GRIK3: variants seen among roughly 807,000 people sequenced by gnomAD.
GRIK3 encodes the protein glutamate ionotropic receptor kainate type subunit 3.
A neutral mutation model predicts 102.5 loss-of-function variants in GRIK3; 29 were observed. That is an observed-to-expected ratio of 0.28 (90% CI 0.21 to 0.39). GRIK3 has a LOEUF of 0.39. GRIK3 is among the 10% of genes least tolerant of loss of function. The pLI is 1.00. For missense variants in GRIK3, 908 were observed against 1,252.4 expected, an observed-to-expected ratio of 0.73 and a Z score of 4.15; for synonymous variants, 511 against 504.9, an observed-to-expected ratio of 1.01 and a Z score of -0.16.
chr1:36,956,617 A>T (rs975567024), intron 1 of GRIK3, among the ~76,000 whole-genome samples: 1 of 38,342 alleles, frequency 2.6e-5, no homozygotes, highest in African/African-American at 2.3e-4. Context: ...CAAAGAACTG[A>T]GAGAGGCGGA....
At chr1:37,018,274 T>A (rs1642674461) in intron 1 of GRIK3, among the ~76,000 whole-genome samples, 1 of 152,180 alleles carries the variant, frequency 6.6e-6, no homozygotes, top group South Asian at 2.1e-4. Flanking sequence ...TGGCCCATAA[T>A]AGGAAGCCCA....
At chr1:36,997,083 G>A (rs947103687) in intron 1 of GRIK3, among the ~76,000 whole-genome samples, 3 of 152,156 alleles carry the variant, frequency 2.0e-5, no homozygotes, top group Non-Finnish European at 4.4e-5. Context: ...TTCCATGTAG[G>A]GAATTGGGAC....
chr1:36,812,682 C>T (rs560597904), intron 13 of GRIK3, among the ~76,000 whole-genome samples: 17 of 152,162 alleles, frequency 1.1e-4, no homozygotes, highest in Middle Eastern at 6.8e-3. Flanking sequence ...ATCGAGAGCC[C>T]CCCGAGAGCC....
chr1:36,967,148 T>C (rs1342746871), intron 1 of GRIK3, among the ~76,000 whole-genome samples: 1 of 152,234 alleles, frequency 6.6e-6, no homozygotes, highest in Non-Finnish European at 1.5e-5. Flanking sequence ...CCTTCCCTTT[T>C]AACCACTAGA....
chr1:36,945,970 G>C (rs1404452284), intron 1 of GRIK3, among the ~76,000 whole-genome samples: 1 of 152,112 alleles, frequency 6.6e-6, no homozygotes, highest in Non-Finnish European at 1.5e-5. Flanking sequence ...CAAACTCCTG[G>C]CCCCCTCGGA....
chr1:36,817,284 G>A lies in GRIK3; in HGVS notation c.1874-7C>T, dbSNP rs765344716. On this transcript the variant is annotated splice_region_variant and splice_polypyrimidine_tract_variant and intron_variant, in intron 12 of 15. Coordinates refer to ENST00000373091, the MANE Select transcript of GRIK3 (RefSeq NM_000831.4). ...TTGGGCATCAGCTCAGACCCTGGGC[G>A]AAGAGAGGAGATAGTCAGTCCCTTA... The A allele has an allele frequency of 3.1e-5, 49 of 1,579,606 alleles. 1 individual carries two copies. The highest frequency in any genetic ancestry group is 4.0e-5 in the African/African-American group (3 of 74,212).
intron 1 of GRIK3, among the ~76,000 whole-genome samples, chr1:36,935,624 C>T (rs1641648115): frequency 6.6e-6 from 1 of 152,112 alleles, no homozygotes; most frequent in South Asian, 2.1e-4. Flanking sequence ...TGGAAACTTC[C>T]CTCCTGAATG....
At chr1:36,960,825 C>T (rs775346762) in intron 1 of GRIK3, among the ~76,000 whole-genome samples, 16 of 152,210 alleles carry the variant, frequency 1.1e-4, no homozygotes, top group Non-Finnish European at 1.9e-4. Context: ...CTGCGATGAC[C>T]AACCAGGCCG....
intron 1 of GRIK3, among the ~76,000 whole-genome samples, chr1:36,971,278 T>G (rs1338684459): frequency 1.3e-5 from 2 of 152,196 alleles, no homozygotes; most frequent in East Asian, 3.9e-4. Context: ...CCAGGCCAAC[T>G]GGGAGGGCTT....
chr1:37,026,707 A>G (rs1468798782), intron 1 of GRIK3, among the ~76,000 whole-genome samples: 1 of 152,162 alleles, frequency 6.6e-6, no homozygotes, highest in East Asian at 1.9e-4. Flanking sequence ...AGGAAATGGA[A>G]GCTCAGAGGT....
At chr1:36,828,019 C>T (rs563228381) in intron 10 of GRIK3, among the ~76,000 whole-genome samples, 6 of 151,704 alleles carry the variant, frequency 4.0e-5, no homozygotes, top group Admixed American at 1.3e-4. Flanking sequence ...GGCAAGCTGC[C>T]GCCACCCCAG....
intron 15 of GRIK3, among the ~76,000 whole-genome samples, chr1:36,804,013 G>T (rs1642471566): frequency 6.6e-6 from 1 of 152,224 alleles, no homozygotes; most frequent in Non-Finnish European, 1.5e-5. Context: ...ATACCGTGAA[G>T]TTGCTTTCCA....
Position 36,940,587 on chromosome 1 carries a change from C to T in GRIK3, c.116-49491G>A, listed in dbSNP as rs1053121363. ...ATTCTTGAGATATTGCATAACACTA[C>T]GAGTCTTGCTGCATTGTGCCTCAGA... On this transcript the variant is annotated intron_variant, in intron 1 of 15. Transcript: ENST00000373091. Among the ~76,000 whole-genome samples the T allele has an allele frequency of 5.9e-5, 9 of 152,332 alleles. No homozygotes were observed. The East Asian group carries it at 9.6e-4, about 16-fold the overall frequency.
chr1:36,953,848 C>G (rs1305042092), intron 1 of GRIK3, among the ~76,000 whole-genome samples: 2 of 152,138 alleles, frequency 1.3e-5, no homozygotes, highest in Non-Finnish European at 2.9e-5. Context: ...CCTGAAGAAG[C>G]TCCCCTGGAG....
rs1046574971 is a variant in GRIK3, at chr1:36,819,262, C to A, written c.1873+474G>T. Among the ~76,000 whole-genome samples, 12 of 152,218 alleles carry A rather than the reference C, an allele frequency of 7.9e-5. No individual in the cohort carries two copies. Among genetic ancestry groups the A allele is most frequent in the Non-Finnish European group, 1.6e-4 (11 of 68,042 alleles). ...AGTGTATCCTGAAGCTCTCTTAGTC[C>A]ATTTCTGCCTTCCACTCCCAGGGCC... is the stretch of plus-strand genomic sequence containing the variant. On this transcript the variant is annotated intron_variant, in intron 12 of 15. Transcript: ENST00000373091. This position sits in a 1 kb window ranked among gnomAD's most constrained non-coding sequence, Gnocchi z 4.1.
intron 1 of GRIK3, among the ~76,000 whole-genome samples, chr1:36,930,738 C>T (rs1334802): frequency 0.89 from 135,146 of 152,230 alleles, 60,069 homozygotes; most frequent in East Asian, 0.99. Context: ...GGAAATATTA[C>T]GGAATGGGCT....
chr1:36,956,709 A>G (rs1170333198), intron 1 of GRIK3, among the ~76,000 whole-genome samples: 1 of 152,228 alleles, frequency 6.6e-6, no homozygotes, highest in Non-Finnish European at 1.5e-5. Flanking sequence ...TTCAGGTGAA[A>G]TGAGACAAAG....
At chr1:36,847,319 C>T (rs1640530945) in intron 9 of GRIK3, among the ~76,000 whole-genome samples, 1 of 152,196 alleles carries the variant, frequency 6.6e-6, no homozygotes, top group African/African-American at 2.4e-5. Context: ...CTATAAGAAG[C>T]AGCCCAGTGT....
At chr1:37,024,889 G>A (rs1204962948) in intron 1 of GRIK3, among the ~76,000 whole-genome samples, 3 of 151,996 alleles carry the variant, frequency 2.0e-5, no homozygotes, top group Admixed American at 6.6e-5. Flanking sequence ...TGAGAGCTTC[G>A]TTTTTGCCAG....
Sources: gnomAD v4.1 joint callset for allele counts (sites outside exome capture counted in the v4.1 genomes callset) on GRCh38, gnomAD v4.1.1 for gene constraint, Gnocchi (gnomAD v3.1) non-coding constraint, MANE v1.5 for transcripts, NCBI Gene and HGNC (gene_info 2026-07-23, HGNC 2026-07-21) for gene names.